Variants in FSTL5 observed in about 807,000 individuals in gnomAD.
The protein encoded by FSTL5 is follistatin-related protein 5.
Under a neutral mutation model 89.1 loss-of-function variants are expected in FSTL5, and 62 were observed. The observed-to-expected ratio is 0.70, with a 90% CI of 0.57 to 0.86. FSTL5 has a LOEUF of 0.86. Ranked by LOEUF, FSTL5 falls within the 40% of genes least tolerant of loss-of-function variation. The probability of loss-of-function intolerance (pLI) is 0.00; values close to 1 mark genes in which losing one functional copy is unlikely to be tolerated. For synonymous variants in FSTL5, 383 were observed against 346.2 expected (o/e 1.11, Z -1.18); for missense variants, 1,057 against 1,001.6 (o/e 1.06, Z -0.75).
In FSTL5 at chr4:161,567,317, G is replaced by A. The variant is rs72990925; in HGVS notation, c.1015+20138C>T. Among the ~76,000 whole-genome samples the A allele has an allele frequency of 9.1e-3, 1,390 of 152,036 alleles. 28 individuals carry two copies. Among genetic ancestry groups the A allele is most frequent in the African/African-American group, 0.03 (1,239 of 41,504 alleles). ...ATTTTTAAAACATATGGATTAACAA[G>A]TACACATGCAAATTGCAAAAGGTGC... On this transcript the variant is annotated intron_variant, in intron 8 of 15. Transcript: ENST00000306100.
At position 161,980,670 on chromosome 4, in the gene FSTL5, A is replaced by T. The variant is rs184074988; in HGVS notation, c.160+52955T>A. 7.9e-5 allele frequency among the ~76,000 whole-genome samples: 12 copies of T among 151,898 alleles called. No individual in the cohort carries two copies. In the East Asian group the frequency reaches 2.3e-3, roughly 29 times the overall value. ...ATCTTCTAACTTGATGTAAAAATTC[A>T]TCTACTAGAGAGACCAGTGTCTTCT... On this transcript the variant is annotated intron_variant, in intron 3 of 15. Coordinates refer to ENST00000306100, the MANE Select transcript of FSTL5 (RefSeq NM_020116.5).
intron 15 of FSTL5, among the ~76,000 whole-genome samples, chr4:161,388,576 C>A (rs1281338548): frequency 6.6e-6 from 1 of 152,014 alleles, no homozygotes; most frequent in Admixed American, 6.6e-5. Context: ...TAACATTTTT[C>A]TATTAATGGA....
chr4:161,833,892 A>T (rs1402412552), intron 4 of FSTL5, among the ~76,000 whole-genome samples: 1 of 151,994 alleles, frequency 6.6e-6, no homozygotes, highest in Non-Finnish European at 1.5e-5. Context: ...TTTAAAGTTA[A>T]TATTGTGATG....
At chr4:161,777,633 A>G (rs188287172) in intron 4 of FSTL5, among the ~76,000 whole-genome samples, 1 of 152,078 alleles carries the variant, frequency 6.6e-6, no homozygotes, top group East Asian at 1.9e-4. Flanking sequence ...TGTGATATAT[A>G]TTTGCACTTT....
intron 8 of FSTL5, among the ~76,000 whole-genome samples, chr4:161,550,664 T>C (rs928112784): frequency 1.3e-5 from 2 of 151,868 alleles, no homozygotes; most frequent in Non-Finnish European, 2.9e-5. Context: ...ACATGTGCCA[T>C]GCTGGTGCGC....
chr4:161,600,238 C>T (rs1734183149), intron 7 of FSTL5, among the ~76,000 whole-genome samples: 1 of 149,442 alleles, frequency 6.7e-6, no homozygotes, highest in African/African-American at 2.5e-5. Flanking sequence ...CAAAAACAGC[C>T]AAAAATAAGC....
rs527894463 is a variant in FSTL5, at chr4:162,058,608, T to C, written c.127-24950A>G. ...ATGCCCGGCTAATTTTGTATATTTTTAGTAGAGACGGGGTTTCACCATGTT... is the reference window on the plus strand; with the variant it reads ...ATGCCCGGCTAATTTTGTATATTTTCAGTAGAGACGGGGTTTCACCATGTT... On this transcript the variant is annotated intron_variant, in intron 2 of 15. Transcript: ENST00000306100. Among the ~76,000 whole-genome samples, 17 of 151,964 alleles carry C rather than the reference T, an allele frequency of 1.1e-4. 1 individual carries two copies. In the South Asian group the frequency reaches 3.3e-3, roughly 30 times the overall value.
chr4:161,469,504 G>T lies in FSTL5; in HGVS notation c.1609-10185C>A, dbSNP rs963200088. On this transcript the variant is annotated intron_variant, in intron 13 of 15. Coordinates refer to ENST00000306100, the MANE Select transcript of FSTL5 (RefSeq NM_020116.5). Reference sequence around the variant, plus strand: ...TAGTAGCCATCCTAATGGGTATGAGGTGACATCTCATTGAGTTTTGACTTA... The same window carrying T: ...TAGTAGCCATCCTAATGGGTATGAGTTGACATCTCATTGAGTTTTGACTTA... 3.2e-4 allele frequency among the ~76,000 whole-genome samples: 49 copies of T among 152,102 alleles called. 1 individual carries two copies. Among genetic ancestry groups the T allele is most frequent in the African/African-American group, 1.1e-3 (45 of 41,416 alleles).
chr4:161,538,219 C>T lies in FSTL5; in HGVS notation c.1259G>A (p.Gly420Glu). The T allele has an allele frequency of 7.4e-6, 12 of 1,614,038 alleles. No homozygotes were observed. The highest frequency in any genetic ancestry group is 1.0e-5 in the Non-Finnish European group (12 of 1,179,946). ...AYTCIAKNEA[G>E]VDEDISSLFV... ...AAGAGAAGAGATGTCTTCATCCACT[C>T]CTGCTTCATTCTTTGCGATACAAGT... is the stretch of plus-strand genomic sequence containing the variant. The change falls in exon 10 of 16, where the codon GGA becomes GAA. Residue 420 changes from glycine (G) to glutamate (E), a missense_variant. Gly to Glu is a moderately conservative substitution (Grantham distance 98, BLOSUM62 -2). This residue lies in a region of FSTL5 where 980 missense variants were observed against 903.2 expected (regional missense o/e 1.08). Coordinates refer to ENST00000306100, the MANE Select transcript of FSTL5 (RefSeq NM_020116.5).
chr4:161,756,675 C>A (rs1740582231), intron 6 of FSTL5, among the ~76,000 whole-genome samples: 1 of 152,048 alleles, frequency 6.6e-6, no homozygotes, highest in South Asian at 2.1e-4. Context: ...TTCCCCTTGA[C>A]AGGTGCAAGC....
intron 2 of FSTL5, among the ~76,000 whole-genome samples, chr4:162,046,156 C>T (rs1738168782): frequency 6.6e-6 from 1 of 152,100 alleles, no homozygotes; most frequent in Non-Finnish European, 1.5e-5. Flanking sequence ...TTGGAACGTA[C>T]ATGTCTAGCA....
intron 15 of FSTL5, among the ~76,000 whole-genome samples, chr4:161,435,523 GGGT>G (rs1168382586): frequency 7.5e-6 from 1 of 132,920 alleles, no homozygotes; most frequent in African/African-American, 2.6e-5. Flanking sequence ...TAGCACAACA[GGGT>G]GGCTACAGTC....
chr4:161,604,969 G>A (rs1734385707), intron 7 of FSTL5, among the ~76,000 whole-genome samples: 1 of 152,124 alleles, frequency 6.6e-6, no homozygotes, highest in Admixed American at 6.5e-5. Context: ...TTATTTCAAG[G>A]TGATTTAGAG....
At chr4:161,767,473 C>T (rs1031674921) in intron 5 of FSTL5, among the ~76,000 whole-genome samples, 2 of 152,134 alleles carry the variant, frequency 1.3e-5, no homozygotes, top group Non-Finnish European at 2.9e-5. Context: ...TAGACCGTAG[C>T]TTTTCAACCA....
intron 7 of FSTL5, among the ~76,000 whole-genome samples, chr4:161,650,919 C>G (rs1312197518): frequency 2.0e-5 from 3 of 152,000 alleles, no homozygotes. Flanking sequence ...CAAAGCAAAA[C>G]AAATTCTGCT....
chr4:161,560,388 C>A (rs1732551468), intron 8 of FSTL5, among the ~76,000 whole-genome samples: 1 of 151,618 alleles, frequency 6.6e-6, no homozygotes, highest in African/African-American at 2.4e-5. Context: ...AACACTCAGG[C>A]TATATTAGAT....
chr4:161,861,278 C>T (rs1248002245), intron 4 of FSTL5, among the ~76,000 whole-genome samples: 1 of 152,122 alleles, frequency 6.6e-6, no homozygotes, highest in East Asian at 1.9e-4. Flanking sequence ...CAAAAAATAG[C>T]AGGCCATGGT....
intron 3 of FSTL5, among the ~76,000 whole-genome samples, chr4:161,988,833 G>A (rs1253978317): frequency 6.6e-6 from 1 of 152,072 alleles, no homozygotes; most frequent in Non-Finnish European, 1.5e-5. Context: ...AATCATTAGA[G>A]GATTTTCAGA....
chr4:162,107,727 G>C (rs549402019), intron 2 of FSTL5, among the ~76,000 whole-genome samples: 2 of 152,170 alleles, frequency 1.3e-5, no homozygotes, highest in Admixed American at 6.5e-5. Context: ...TATTTCTCCT[G>C]AGGTCAATGT....
Sources: allele counts gnomAD v4.1 joint callset (sites outside exome capture counted in the v4.1 genomes callset), GRCh38; gene constraint gnomAD v4.1.1; regional missense constraint gnomAD v4.1.1; transcripts MANE v1.5; gene names NCBI Gene and HGNC (gene_info 2026-07-23, HGNC 2026-07-21).